PPP3CC: variants seen among roughly 807,000 people sequenced by gnomAD.
PPP3CC encodes serine/threonine-protein phosphatase 2B catalytic subunit gamma isoform.
A neutral mutation model predicts 60.3 loss-of-function variants in PPP3CC; 35 were observed. The observed-to-expected ratio is 0.58, with a 90% CI of 0.44 to 0.77. The LOEUF (loss-of-function observed/expected upper bound fraction) is 0.77, where lower values mean the gene tolerates loss of function less well. PPP3CC is among the 30% of genes least tolerant of loss of function. PPP3CC has a pLI of 0.00. For synonymous variants in PPP3CC, 206 were observed against 224.3 expected (o/e 0.92, Z 0.73); for missense variants, 570 against 628.9 (o/e 0.91, Z 1.00).
intron 10 of PPP3CC, among the ~76,000 whole-genome samples, chr8:22,530,124 G>A (rs754298316): frequency 1.3e-5 from 2 of 152,120 alleles, no homozygotes; most frequent in Admixed American, 6.5e-5. Context: ...TTCAGGTTCC[G>A]CACTGAAGAT....
chr8:22,468,065 C>T (rs1017009616), intron 1 of PPP3CC, among the ~76,000 whole-genome samples: 1 of 152,160 alleles, frequency 6.6e-6, no homozygotes, highest in Non-Finnish European at 1.5e-5. Flanking sequence ...CAAATCATAG[C>T]AGCTGTTAAG....
intron 4 of PPP3CC, among the ~76,000 whole-genome samples, chr8:22,504,122 CCTTT>C (rs1308088757): frequency 2.6e-5 from 4 of 151,836 alleles, no homozygotes; most frequent in South Asian, 2.1e-4. Context: ...AAAAAATATT[CCTTT>C]CTTTATGGAA....
intron 1 of PPP3CC, among the ~76,000 whole-genome samples, chr8:22,449,447 C>CAAA (rs35113938): frequency 4.0e-4 from 24 of 59,624 alleles, no homozygotes; most frequent in Admixed American, 9.9e-4. Context: ...GACCCCATCT[C>CAAA]AAAAAAAAAA....
chr8:22,478,179 T>G (rs949248598), intron 3 of PPP3CC, among the ~76,000 whole-genome samples: 16 of 149,932 alleles, frequency 1.1e-4, no homozygotes, highest in Admixed American at 6.7e-5. Context: ...TGAGATGGAG[T>G]CTTGCTCTGT....
At chr8:22,532,732 A>G (rs1292770587) in intron 11 of PPP3CC, among the ~76,000 whole-genome samples, 189 bp from the exon 12 acceptor site, 3 of 152,234 alleles carry the variant, frequency 2.0e-5, no homozygotes. Flanking sequence ...ATTGAAAAAC[A>G]AGAACTGGCT....
At position 22,446,621 on chromosome 8, in the gene PPP3CC, C is replaced by T. The variant is rs189792448; in HGVS notation, c.49+5163C>T. ...GGTGGATCACCTGAGGTCCGGCCAA[C>T]GTGGCGAAACCCAGTCCCTATTAAA... On this transcript the variant is annotated intron_variant, in intron 1 of 13. Coordinates refer to ENST00000240139, the MANE Select transcript of PPP3CC (RefSeq NM_005605.5). Among the ~76,000 whole-genome samples, 7 of 152,044 alleles carry T rather than the reference C, an allele frequency of 4.6e-5. No individual in the cohort carries two copies. In the East Asian group the frequency reaches 7.7e-4, roughly 17 times the overall value.
chr8:22,464,728 A>C (rs1375003667), intron 1 of PPP3CC, among the ~76,000 whole-genome samples: 2 of 152,122 alleles, frequency 1.3e-5, no homozygotes, highest in Non-Finnish European at 2.9e-5. Flanking sequence ...GAGCCTTTTC[A>C]GTGTTTAGCA....
At chr8:22,468,457 G>C (rs1837614849) in intron 1 of PPP3CC, among the ~76,000 whole-genome samples, 2 of 151,976 alleles carry the variant, frequency 1.3e-5, no homozygotes, top group Admixed American at 6.6e-5. Flanking sequence ...TTTGAATCAA[G>C]CATTTTAAAA....
At chr8:22,462,300 C>A (rs1204241835) in intron 1 of PPP3CC, among the ~76,000 whole-genome samples, 2 of 151,988 alleles carry the variant, frequency 1.3e-5, no homozygotes, top group African/African-American at 4.8e-5. Flanking sequence ...CAGTACATTG[C>A]GGTTTGGTTT....
chr8:22,475,715 C>G, intron 3 of PPP3CC, 91 bp downstream of exon 3: 2 of 1,232,600 alleles, frequency 1.6e-6, no homozygotes, highest in Non-Finnish European at 2.2e-6. Context: ...AAAATGAGAA[C>G]TCTGGCAGAA....
intron 3 of PPP3CC, among the ~76,000 whole-genome samples, chr8:22,494,942 C>A (rs146257629): frequency 2.6e-4 from 40 of 152,112 alleles, no homozygotes; most frequent in Admixed American, 1.2e-3. Context: ...TACTCTTGTA[C>A]TTTTTATTTT....
chr8:22,495,457 A>G (rs889933620), intron 3 of PPP3CC, among the ~76,000 whole-genome samples: 23 of 152,164 alleles, frequency 1.5e-4, no homozygotes, highest in African/African-American at 5.6e-4. Flanking sequence ...TTGGAAGTGT[A>G]TCTTCAGGGT....
intron 12 of PPP3CC, among the ~76,000 whole-genome samples, chr8:22,534,210 A>AAC (rs1839792519): frequency 1.3e-5 from 2 of 151,656 alleles, no homozygotes; most frequent in African/African-American, 4.8e-5. Context: ...AAAAAAAAAA[A>AAC]AAACAAACAC....
At chr8:22,530,921 T>G (rs1026878515) in intron 10 of PPP3CC, among the ~76,000 whole-genome samples, 1 of 151,754 alleles carries the variant, frequency 6.6e-6, no homozygotes, top group African/African-American at 2.4e-5. Flanking sequence ...AACATACTAT[T>G]CCTGTGAAGA....
At position 22,470,708 on chromosome 8, in the gene PPP3CC, A is replaced by G. The variant is rs111456435; in HGVS notation, c.50-4246A>G. On this transcript the variant is annotated intron_variant, in intron 1 of 13. Transcript: ENST00000240139. Reference sequence around the variant, plus strand: ...GGGAAATGCAAAGTAGAGAACAAAGAGATACCGGTAGACGTTCACTGTACT... The same window carrying G: ...GGGAAATGCAAAGTAGAGAACAAAGGGATACCGGTAGACGTTCACTGTACT... 2.6e-5 allele frequency among the ~76,000 whole-genome samples: 4 copies of G among 152,344 alleles called. 1 individual carries two copies. The highest frequency in any genetic ancestry group is 9.6e-5 in the African/African-American group (4 of 41,584).
intron 9 of PPP3CC, among the ~76,000 whole-genome samples, chr8:22,527,776 T>C (rs1839598544): frequency 6.6e-6 from 1 of 152,080 alleles, no homozygotes; most frequent in East Asian, 1.9e-4. Context: ...GCTGGGATTA[T>C]AGGCACGTGC....
At chr8:22,525,524 TTCTTTCTTTCTTTCTCTCCC>T (rs1214483600) in intron 8 of PPP3CC, among the ~76,000 whole-genome samples, 1,312 of 106,848 alleles carry the variant, frequency 0.012, 9 homozygotes, top group Admixed American at 0.026. Context: ...CTTTCTTTCT[TTCTTTCTTTCTTTCTCTCCC>T]TCTCTCTCTC....
At chr8:22,527,634 G>GT in intron 9 of PPP3CC, 117 bp downstream of exon 9, 2 of 1,208,888 alleles carry the variant, frequency 1.7e-6, no homozygotes, top group South Asian at 1.6e-5. Context: ...TCTCTACATA[G>GT]ATTTTTTTTT....
chr8:22,458,284 C>T (rs142618243), intron 1 of PPP3CC, among the ~76,000 whole-genome samples: 1 of 151,976 alleles, frequency 6.6e-6, no homozygotes, highest in African/African-American at 2.4e-5. Flanking sequence ...CTCTTTGATA[C>T]AAATTTTAGA....
Sources: allele counts gnomAD v4.1 joint callset (sites outside exome capture counted in the v4.1 genomes callset), GRCh38; gene constraint gnomAD v4.1.1; transcripts MANE v1.5; gene names NCBI Gene and HGNC (gene_info 2026-07-23, HGNC 2026-07-21).